The following STT3B variants were observed in gnomAD, a reference collection of about 807,000 sequenced individuals.
The protein encoded by STT3B is dolichyl-diphosphooligosaccharide--protein glycosyltransferase subunit STT3B.
In STT3B, 29 loss-of-function variants were observed where a neutral mutation model predicts 96.8. That is an observed-to-expected ratio of 0.30 (90% CI 0.22 to 0.41). STT3B has a LOEUF of 0.41. Among genes scored for constraint, STT3B ranks in the 10% least tolerant of loss-of-function variants. The pLI is 1.00. For synonymous variants in STT3B, 367 were observed against 360.0 expected (o/e 1.02, Z -0.22); for missense variants, 640 against 1,022.3 (o/e 0.63, Z 5.10).
chr3:31,618,501 T>C (rs1371607725), intron 8 of STT3B, among the ~76,000 whole-genome samples: 1 of 151,986 alleles, frequency 6.6e-6, no homozygotes, highest in East Asian at 1.9e-4. Flanking sequence ...ATACATTTGG[T>C]TTTGAATTAG....
At chr3:31,616,853 A>C in intron 6 of STT3B, 76 bp from the exon 7 acceptor site, 1 of 1,292,680 alleles carries the variant, frequency 7.7e-7, no homozygotes, top group Non-Finnish European at 1.1e-6. Flanking sequence ...CATTCTAAGA[A>C]GCTCTTTCAA....
In STT3B at chr3:31,637,051, T is replaced by C. The variant is rs1699765318; in HGVS notation, c.*987T>C. The C allele has an allele frequency of 6.6e-6, 1 of 152,200 alleles. No individual in the cohort carries two copies. The highest frequency in any genetic ancestry group is 2.1e-4 in the South Asian group (1 of 4,832). The allele number at this position is 152,200 out of a possible 1,614,324, so 9.4% of individuals were successfully genotyped here. ...TTGTTCTCTGCTCCATATTTTTTAA[T>C]CCCTTAAGCATTTGATGAAACACTC... On this transcript the variant is annotated 3_prime_UTR_variant, in exon 16 of 16. Transcript: ENST00000295770.
chr3:31,575,768 A>T (rs1698250285), intron 1 of STT3B, among the ~76,000 whole-genome samples: 1 of 152,068 alleles, frequency 6.6e-6, no homozygotes, highest in Non-Finnish European at 1.5e-5. Flanking sequence ...CATTACCCTG[A>T]GGATTGCTCC....
chr3:31,632,398 A>G (rs1260732915), intron 14 of STT3B, among the ~76,000 whole-genome samples: 1 of 152,190 alleles, frequency 6.6e-6, no homozygotes, highest in Non-Finnish European at 1.5e-5. Flanking sequence ...AGCGTTAAGT[A>G]AAGATGTTAA....
At chr3:31,545,439 A>G (rs1697383556) in intron 1 of STT3B, among the ~76,000 whole-genome samples, 1 of 152,234 alleles carries the variant, frequency 6.6e-6, no homozygotes, top group African/African-American at 2.4e-5. Context: ...TCACAACATA[A>G]TATACAGTTA....
chr3:31,625,190 T>C, intron 12 of STT3B, 105 bp downstream of exon 12: 2 of 1,000,598 alleles, frequency 2.0e-6, no homozygotes, highest in Non-Finnish European at 2.9e-6. Context: ...AGTACTCTGC[T>C]GAATTCTCAA....
intron 1 of STT3B, among the ~76,000 whole-genome samples, chr3:31,539,941 A>G (rs1173221627): frequency 6.6e-6 from 1 of 152,094 alleles, no homozygotes; most frequent in Non-Finnish European, 1.5e-5. Context: ...AACCCACAGG[A>G]TTTTTAGTGT....
At chr3:31,582,484 G>A (rs1698431770) in intron 3 of STT3B, among the ~76,000 whole-genome samples, 1 of 151,582 alleles carries the variant, frequency 6.6e-6, no homozygotes, top group African/African-American at 2.4e-5. Context: ...TAGTAGAGAT[G>A]GATTTTCACG....
chr3:31,533,357 C>T, intron 1 of STT3B, 45 bp downstream of exon 1: 1 of 1,423,732 alleles, frequency 7.0e-7, no homozygotes, highest in Non-Finnish European at 9.2e-7. Context: ...CCGCGGGGAA[C>T]CGGGACCCGC....
At position 31,579,910 on chromosome 3, in the gene STT3B, A is replaced by G. The variant is rs749124038; in HGVS notation, c.525A>G (p.Pro175=). 110 of 1,613,822 alleles carry G rather than the reference A, an allele frequency of 6.8e-5. No individual in the cohort carries two copies. Among genetic ancestry groups the G allele is most frequent in the Non-Finnish European group, 1.4e-5 (16 of 1,179,858 alleles). ...GAGACGTATGTGTGTTCCTTGCACCAACTTTTAGCGGCCTTACATCTATAT... is the reference window on the plus strand; with the variant it reads ...GAGACGTATGTGTGTTCCTTGCACCGACTTTTAGCGGCCTTACATCTATAT... The part of the protein sequence containing the change: ...HIRDVCVFLA[P]TFSGLTSIST... The change falls in exon 3 of 16, where the codon CCA becomes CCG. Residue 175 remains proline, a synonymous_variant. Coordinates refer to ENST00000295770, the MANE Select transcript of STT3B (RefSeq NM_178862.3).
intron 1 of STT3B, among the ~76,000 whole-genome samples, chr3:31,574,218 T>C (rs1698217741): frequency 6.6e-6 from 1 of 152,146 alleles, no homozygotes; most frequent in South Asian, 2.1e-4. Context: ...CTTTCTGGGG[T>C]ATACTCAACT....
At chr3:31,609,716 T>G (rs1699140059) in intron 5 of STT3B, among the ~76,000 whole-genome samples, 1 of 152,198 alleles carries the variant, frequency 6.6e-6, no homozygotes, top group African/African-American at 2.4e-5. Context: ...TGCCTCAGCC[T>G]CCTGAGTGGC....
chr3:31,634,230 A>G (rs1055260459), intron 15 of STT3B, among the ~76,000 whole-genome samples: 1 of 152,208 alleles, frequency 6.6e-6, no homozygotes, highest in African/African-American at 2.4e-5. Context: ...TGTCACAGGC[A>G]TGAGGTAGGA....
At chr3:31,614,618 A>G (rs1239757788) in intron 5 of STT3B, among the ~76,000 whole-genome samples, 1 of 151,954 alleles carries the variant, frequency 6.6e-6, no homozygotes, top group Non-Finnish European at 1.5e-5. Context: ...TCATAGTACT[A>G]TACAAAGGTA....
At chr3:31,604,034 T>A (rs976115177) in intron 5 of STT3B, among the ~76,000 whole-genome samples, 1 of 152,172 alleles carries the variant, frequency 6.6e-6, no homozygotes, top group Non-Finnish European at 1.5e-5. Context: ...ATTAGGTTAG[T>A]AATTTAAGCA....
At chr3:31,556,794 T>A (rs531636271) in intron 1 of STT3B, among the ~76,000 whole-genome samples, 1 of 152,234 alleles carries the variant, frequency 6.6e-6, no homozygotes, top group Non-Finnish European at 1.5e-5. Flanking sequence ...TATTAGTCCC[T>A]TGTTGAATGA....
rs1029950841 is a variant in STT3B, at chr3:31,532,950, A to C, written c.-49A>C. 6.5e-7 allele frequency: 1 copy of C among 1,544,178 alleles called. No homozygotes were observed. Among genetic ancestry groups the C allele is most frequent in the Non-Finnish European group, 8.7e-7 (1 of 1,148,474 alleles). ...GTCCCCGCCCAGCACCCCTCGCACC[A>C]GGCGGCGGCGGCGGAGGAGGAGAGC... On this transcript the variant is annotated 5_prime_UTR_variant, in exon 1 of 16. Transcript: ENST00000295770.
chr3:31,611,440 A>G (rs1699177721), intron 5 of STT3B, among the ~76,000 whole-genome samples: 1 of 152,212 alleles, frequency 6.6e-6, no homozygotes. Context: ...AACATATATT[A>G]GATGCTGTAG....
At chr3:31,602,034 G>T (rs990924629) in intron 5 of STT3B, among the ~76,000 whole-genome samples, 3 of 152,072 alleles carry the variant, frequency 2.0e-5, no homozygotes, top group Admixed American at 6.6e-5. Context: ...TGAGGCTGGA[G>T]TTCCACTTGA....
Sources: allele counts gnomAD v4.1 joint callset (sites outside exome capture counted in the v4.1 genomes callset), GRCh38; gene constraint gnomAD v4.1.1; transcripts MANE v1.5; gene names NCBI Gene and HGNC (gene_info 2026-07-23, HGNC 2026-07-21).